Variants in MAGI2 observed in about 807,000 individuals in gnomAD.
MAGI2 encodes the protein membrane associated guanylate kinase, WW and PDZ domain containing 2.
MAGI2 carries 35 observed loss-of-function variants against 133.3 expected under a neutral mutation model. The ratio of observed to expected loss-of-function variants is 0.26; its 90% CI spans 0.20 to 0.35. MAGI2 has a LOEUF of 0.35. Among genes scored for constraint, MAGI2 ranks in the 10% least tolerant of loss-of-function variants. The pLI is 1.00. For synonymous variants in MAGI2, 729 were observed against 710.6 expected (o/e 1.03, Z -0.41); for missense variants, 1,636 against 1,863.4 (o/e 0.88, Z 2.25).
intron 9 of MAGI2, among the ~76,000 whole-genome samples, chr7:78,326,070 G>A (rs1788551841): frequency 6.6e-6 from 1 of 151,992 alleles, no homozygotes; most frequent in African/African-American, 2.4e-5. Flanking sequence ...TGTCTCCTAG[G>A]CTTCAGGCAT....
At chr7:78,604,209 C>T (rs750126357) in intron 3 of MAGI2, among the ~76,000 whole-genome samples, 1 of 151,934 alleles carries the variant, frequency 6.6e-6, no homozygotes, top group African/African-American at 2.4e-5. Flanking sequence ...GAAGTATGAA[C>T]AGGAAAGTTC....
intron 10 of MAGI2, among the ~76,000 whole-genome samples, chr7:78,216,414 C>T (rs1322818214): frequency 6.6e-6 from 1 of 152,216 alleles, no homozygotes; most frequent in Non-Finnish European, 1.5e-5. Flanking sequence ...CACTCATCTA[C>T]TTGAAACCTT....
At position 79,171,767 on chromosome 7, in the gene MAGI2, TA is replaced by T. The variant is rs1463302093; in HGVS notation, c.302-164562del. ...AAATATATATATATATATATATATATATATTTTTTTTTTTTTTTTCTTTTAA... is the reference window on the plus strand; with the variant it reads ...AAATATATATATATATATATATATATTATTTTTTTTTTTTTTTTCTTTTAA... On this transcript the variant is annotated intron_variant, in intron 1 of 21. Coordinates refer to ENST00000354212, the MANE Select transcript of MAGI2 (RefSeq NM_012301.4). Among the ~76,000 whole-genome samples the T allele has an allele frequency of 6.7e-3, 350 of 52,176 alleles. 8 individuals carry two copies. The highest frequency in any genetic ancestry group is 0.026 in the African/African-American group (337 of 13,004). 34.2% of individuals were successfully genotyped at this position (52,176 alleles called of 152,430 possible).
At chr7:79,277,964 C>T (rs1259636317) in intron 1 of MAGI2, among the ~76,000 whole-genome samples, 1 of 152,118 alleles carries the variant, frequency 6.6e-6, no homozygotes, top group East Asian at 1.9e-4. Flanking sequence ...ATCATATTGA[C>T]CAACCTCCCC....
chr7:78,059,076 T>C (rs1474272008), intron 21 of MAGI2, among the ~76,000 whole-genome samples: 1 of 152,188 alleles, frequency 6.6e-6, no homozygotes, highest in Non-Finnish European at 1.5e-5. Flanking sequence ...ACCCCATCCC[T>C]GCATCTCCTA....
chr7:79,310,235 C>A (rs571105879), intron 1 of MAGI2, among the ~76,000 whole-genome samples: 1 of 124,660 alleles, frequency 8.0e-6, no homozygotes, highest in Admixed American at 8.7e-5. Context: ...GTTAAATATT[C>A]GAATGCATTT....
intron 1 of MAGI2, among the ~76,000 whole-genome samples, chr7:79,307,186 C>A (rs893418175): frequency 2.7e-4 from 41 of 152,214 alleles, no homozygotes; most frequent in Non-Finnish European, 2.6e-4. Flanking sequence ...AAGTGTGGTA[C>A]CACGCAGTGC....
intron 21 of MAGI2, chr7:78,026,177 G>A (rs1808896498): frequency 6.6e-6 from 1 of 152,252 alleles, no homozygotes; most frequent in Admixed American, 6.6e-5. Context: ...ACCCCATTAT[G>A]TTTTAGTTAA....
At chr7:79,294,177 CA>C (rs61385536) in intron 1 of MAGI2, among the ~76,000 whole-genome samples, 13,523 of 65,352 alleles carry the variant, frequency 0.21, 520 homozygotes, top group East Asian at 0.35. Flanking sequence ...GACTCCGTCT[CA>C]AAAAAAAAAA....
At chr7:79,306,320 A>G (rs200897468) in intron 1 of MAGI2, among the ~76,000 whole-genome samples, 1 of 132,902 alleles carries the variant, frequency 7.5e-6, no homozygotes, top group Non-Finnish European at 1.6e-5. Context: ...TTTTATATAT[A>G]TGTGTATATA....
intron 1 of MAGI2, among the ~76,000 whole-genome samples, chr7:79,319,513 G>A (rs1027294957): frequency 2.0e-5 from 3 of 152,092 alleles, no homozygotes; most frequent in East Asian, 1.9e-4. Flanking sequence ...GTGTCTATGG[G>A]AAATTCTTAA....
chr7:78,929,526 G>A (rs1161015084), intron 2 of MAGI2, among the ~76,000 whole-genome samples: 1 of 151,998 alleles, frequency 6.6e-6, no homozygotes, highest in Non-Finnish European at 1.5e-5. Context: ...GGCTGGAGGG[G>A]AGACTCTCTT....
chr7:78,061,267 T>C (rs1181830289), intron 21 of MAGI2, among the ~76,000 whole-genome samples: 2 of 150,984 alleles, frequency 1.3e-5, no homozygotes, highest in African/African-American at 4.9e-5. Flanking sequence ...AGATATACCA[T>C]AGCAGTATAG....
At chr7:78,657,232 G>A (rs1185800999) in intron 2 of MAGI2, among the ~76,000 whole-genome samples, 2 of 152,188 alleles carry the variant, frequency 1.3e-5, no homozygotes, top group African/African-American at 4.8e-5. Flanking sequence ...TGGTGGGAAT[G>A]CAAAATTGTA....
At chr7:78,958,338 T>C (rs1272825304) in intron 2 of MAGI2, among the ~76,000 whole-genome samples, 1 of 152,106 alleles carries the variant, frequency 6.6e-6, no homozygotes, top group Non-Finnish European at 1.5e-5. Flanking sequence ...GCTTTCAGTT[T>C]AGCAGTGAAC....
chr7:78,199,077 C>T (rs1828999791), intron 11 of MAGI2, among the ~76,000 whole-genome samples: 1 of 152,176 alleles, frequency 6.6e-6, no homozygotes, highest in Non-Finnish European at 1.5e-5. Flanking sequence ...CAATACTCTA[C>T]TTAGCGTCTT....
intron 6 of MAGI2, among the ~76,000 whole-genome samples, chr7:78,385,009 T>G (rs1336944563): frequency 6.6e-6 from 1 of 152,134 alleles, no homozygotes; most frequent in East Asian, 1.9e-4. Flanking sequence ...GTAACATCAG[T>G]TTTGCTTTTG....
At chr7:78,616,858 A>G (rs1300338131) in intron 3 of MAGI2, 1 of 152,140 alleles carries the variant, frequency 6.6e-6, no homozygotes, top group East Asian at 1.9e-4. Context: ...CATTCATTCA[A>G]CCCACCTTTA....
chr7:79,084,337 A>G (rs2129542086), intron 1 of MAGI2, among the ~76,000 whole-genome samples: 1 of 151,776 alleles, frequency 6.6e-6, no homozygotes, highest in South Asian at 2.1e-4. Context: ...GCATTTCAGT[A>G]TGTTCTGTTT....
Sources: gnomAD v4.1 joint callset for allele counts (sites outside exome capture counted in the v4.1 genomes callset) on GRCh38, gnomAD v4.1.1 for gene constraint, MANE v1.5 for transcripts, NCBI Gene and HGNC (gene_info 2026-07-23, HGNC 2026-07-21) for gene names.